DSCAM: variants seen among roughly 807,000 people sequenced by gnomAD.
DSCAM encodes DS cell adhesion molecule.
In DSCAM, 47 loss-of-function variants were observed where a neutral mutation model predicts 217.7. The observed-to-expected ratio is 0.22, with a 90% CI of 0.17 to 0.28. DSCAM has a LOEUF of 0.28. DSCAM is among the 10% of genes least tolerant of loss of function. DSCAM has a pLI of 1.00. For synonymous variants in DSCAM, 1,056 were observed against 1,015.3 expected (o/e 1.04, Z -0.76); for missense variants, 2,080 against 2,618.3 (o/e 0.79, Z 4.49).
intron 11 of DSCAM, among the ~76,000 whole-genome samples, chr21:40,258,095 C>T (rs1168138052): frequency 6.6e-6 from 1 of 152,210 alleles, no homozygotes; most frequent in Non-Finnish European, 1.5e-5. Context: ...AAATGAGCCA[C>T]AGAAAACATG....
intron 3 of DSCAM, among the ~76,000 whole-genome samples, chr21:40,479,103 C>A (rs2075961166): frequency 1.3e-5 from 2 of 152,170 alleles, no homozygotes; most frequent in Admixed American, 1.3e-4. Context: ...AGGTGCTGTG[C>A]TAAGTGCTTC....
intron 3 of DSCAM, among the ~76,000 whole-genome samples, chr21:40,453,372 T>C (rs1310796956): frequency 6.6e-6 from 1 of 152,118 alleles, no homozygotes; most frequent in African/African-American, 2.4e-5. Context: ...CTAGGAAAGG[T>C]CACACTGACA....
intron 3 of DSCAM, among the ~76,000 whole-genome samples, chr21:40,674,630 T>C (rs1761050941): frequency 2.0e-5 from 1 of 50,698 alleles, no homozygotes; most frequent in East Asian, 6.8e-4. Context: ...CTTTTTCTTT[T>C]TCTTTTTTTT....
intron 3 of DSCAM, among the ~76,000 whole-genome samples, chr21:40,491,108 G>T (rs1267326080): frequency 6.6e-6 from 1 of 152,124 alleles, no homozygotes; most frequent in Non-Finnish European, 1.5e-5. Flanking sequence ...TATCATAAAA[G>T]AAAGTGCAAT....
chr21:40,578,469 CGGACCAATCAGCACTCTGTAAAAT>C lies in DSCAM; in HGVS notation c.508+114317_508+114340del, dbSNP rs1358664266. Reference sequence around the variant, plus strand: ...ACAGACCAATCAGCACTCTGTAAAACGGACCAATCAGCACTCTGTAAAATGGACCAATCAGTGCTCTGTAAAATG... The same window carrying C: ...ACAGACCAATCAGCACTCTGTAAAACGGACCAATCAGTGCTCTGTAAAATG... On this transcript the variant is annotated intron_variant, in intron 3 of 32. Coordinates refer to ENST00000400454, the MANE Select transcript of DSCAM (RefSeq NM_001389.5). 1.2e-4 allele frequency among the ~76,000 whole-genome samples: 6 copies of C among 50,150 alleles called. No individual in the cohort carries two copies. The East Asian group carries it at 4.4e-3, about 37-fold the overall frequency. 32.9% of individuals were successfully genotyped at this position (50,150 alleles called of 152,430 possible). A position where few individuals can be genotyped will look rare whatever the true frequency, so the allele number is the denominator to read the frequency against.
At chr21:40,650,880 C>T (rs556605213) in intron 3 of DSCAM, among the ~76,000 whole-genome samples, 1 of 152,138 alleles carries the variant, frequency 6.6e-6, no homozygotes, top group Non-Finnish European at 1.5e-5. Context: ...CACCACTGCA[C>T]TCAAGCCTGG....
At chr21:40,462,573 G>A (rs542778920) in intron 3 of DSCAM, among the ~76,000 whole-genome samples, 1 of 152,136 alleles carries the variant, frequency 6.6e-6, no homozygotes, top group Non-Finnish European at 1.5e-5. Flanking sequence ...GCTTAGGCAG[G>A]GGAGGTGGCA....
At chr21:40,280,882 G>A (rs1379803188) in intron 10 of DSCAM, among the ~76,000 whole-genome samples, 1 of 152,152 alleles carries the variant, frequency 6.6e-6, no homozygotes, top group Non-Finnish European at 1.5e-5. Context: ...GTTGTGAGCT[G>A]CTCTGTGGAG....
intron 3 of DSCAM, among the ~76,000 whole-genome samples, chr21:40,449,186 G>A (rs1601652598): frequency 1.3e-5 from 2 of 152,012 alleles, no homozygotes; most frequent in East Asian, 1.9e-4. Context: ...ATTAGTTTGG[G>A]CCCACCTGGA....
At chr21:40,476,998 A>T (rs1171501726) in intron 3 of DSCAM, among the ~76,000 whole-genome samples, 1 of 152,224 alleles carries the variant, frequency 6.6e-6, no homozygotes, top group African/African-American at 2.4e-5. Context: ...AGTATATTTT[A>T]TTGCATGAAA....
At chr21:40,341,747 T>C (rs1473194937) in intron 6 of DSCAM, among the ~76,000 whole-genome samples, 1 of 152,182 alleles carries the variant, frequency 6.6e-6, no homozygotes, top group Non-Finnish European at 1.5e-5. Flanking sequence ...AGAATATAAT[T>C]AGAAGATGTA....
chr21:40,661,642 G>A (rs991682963), intron 3 of DSCAM, among the ~76,000 whole-genome samples: 1 of 152,134 alleles, frequency 6.6e-6, no homozygotes, highest in Non-Finnish European at 1.5e-5. Flanking sequence ...TCTTTTAGTG[G>A]AGTTTAGATT....
rs545586483 is a variant in DSCAM at position 40,688,954 on chromosome 21, G to A, written c.508+3856C>T. Among the ~76,000 whole-genome samples the A allele has an allele frequency of 3.3e-5, 5 of 152,256 alleles. No individual in the cohort carries two copies. In the East Asian group the frequency reaches 9.7e-4, roughly 29 times the overall value. On this transcript the variant is annotated intron_variant, in intron 3 of 32. Coordinates refer to ENST00000400454, the MANE Select transcript of DSCAM (RefSeq NM_001389.5). ...GATGAAGAGGCATAACTTGATTCCT[G>A]CGTCTACCTTCAGGCCAACCGAAGC... is the stretch of plus-strand genomic sequence containing the variant.
At chr21:40,471,968 G>C (rs59270837) in intron 3 of DSCAM, among the ~76,000 whole-genome samples, 1 of 151,912 alleles carries the variant, frequency 6.6e-6, no homozygotes, top group Non-Finnish European at 1.5e-5. Context: ...AACAGGCCCC[G>C]GTGTGTGATG....
At chr21:40,729,400 C>G (rs1569005802) in intron 1 of DSCAM, among the ~76,000 whole-genome samples, 1 of 152,136 alleles carries the variant, frequency 6.6e-6, no homozygotes, top group African/African-American at 2.4e-5. Context: ...CTTAAAGGTC[C>G]AAATCCCCAC....
intron 21 of DSCAM, among the ~76,000 whole-genome samples, chr21:40,093,285 C>T (rs2089634076): frequency 6.6e-6 from 1 of 152,190 alleles, no homozygotes; most frequent in Admixed American, 6.5e-5. Flanking sequence ...AAAGTCTTTG[C>T]TTATAGCATT....
intron 20 of DSCAM, among the ~76,000 whole-genome samples, chr21:40,118,736 T>A (rs933218829): frequency 6.6e-6 from 1 of 152,218 alleles, no homozygotes; most frequent in Non-Finnish European, 1.5e-5. Context: ...GCTAGCTATG[T>A]GTTCCAAGCA....
chr21:40,582,935 A>G (rs908237457), intron 3 of DSCAM, among the ~76,000 whole-genome samples: 13 of 152,184 alleles, frequency 8.5e-5, no homozygotes, highest in African/African-American at 3.1e-4. Context: ...TATTTGAGCA[A>G]TGGAAAAGCA....
At chr21:40,086,170 G>A (rs1014951416) in intron 22 of DSCAM, among the ~76,000 whole-genome samples, 51 of 152,252 alleles carry the variant, frequency 3.3e-4, no homozygotes, top group African/African-American at 1.1e-3. Context: ...TAAACCTTGG[G>A]ATCATTTTTA....
Sources: gnomAD v4.1 joint callset for allele counts (sites outside exome capture counted in the v4.1 genomes callset) on GRCh38, gnomAD v4.1.1 for gene constraint, MANE v1.5 for transcripts, NCBI Gene and HGNC (gene_info 2026-07-23, HGNC 2026-07-21) for gene names.